The following ZNF688 variants were observed in gnomAD, a reference collection of about 807,000 sequenced individuals.
The protein encoded by ZNF688 is zinc finger protein 688.
Under a neutral mutation model 13.2 loss-of-function variants are expected in ZNF688, and 10 were observed. The observed-to-expected ratio is 0.76, with a 90% CI of 0.47 to 1.28. The LOEUF is 1.28. Ranked by LOEUF, ZNF688 falls within the 50% of genes most tolerant of loss-of-function variation. The probability of loss-of-function intolerance (pLI) is 0.00; values close to 1 mark genes in which losing one functional copy is unlikely to be tolerated. For missense variants in ZNF688, 381 were observed against 391.4 expected (o/e 0.97, Z 0.22); for synonymous variants, 160 against 159.4 (o/e 1.00, Z -0.03).
At chr16:30,579,372 C>A in the ZNF688 span, 1,243 of 164,156 alleles carry the variant, frequency 7.6e-3, 15 homozygotes, top group African/African-American at 0.028. Context: ...AAAGATAACA[C>A]CCCGTTCCCA....
rs1294482839 is a variant in ZNF688, at chr16:30,570,248, G to C, written c.499C>G (p.Pro167Ala). Residue 167 changes from proline (P) to alanine (A), a missense_variant, in exon 3 of 3, where the codon CCC becomes GCC. Physicochemically the swap from Pro to Ala is conservative, Grantham distance 27 (BLOSUM62 -1). Transcript: ENST00000223459. ...AAWDPTTGAQPPAPIPSMDAQ... is the reference protein window; with the variant it reads ...AAWDPTTGAQAPAPIPSMDAQ... Reference sequence around the variant, plus strand: ...TCCATGCTGGGTATGGGTGCCGGGGGCTGTGCTCCTGTGGTCGGGTCCCAG... The same window carrying C: ...TCCATGCTGGGTATGGGTGCCGGGGCCTGTGCTCCTGTGGTCGGGTCCCAG... The C allele has an allele frequency of 6.2e-7, 1 of 1,613,686 alleles. No homozygotes were observed. Among genetic ancestry groups the C allele is most frequent in the South Asian group, 1.1e-5 (1 of 91,056 alleles).
intron 2 of ZNF688, 128 bp downstream of exon 2, chr16:30,570,882 C>A: frequency 9.5e-7 from 1 of 1,056,326 alleles, no homozygotes. Context: ...GGTCTGCCTT[C>A]TTTACTCCTC....
chr16:30,571,464 G>C lies in ZNF688; in HGVS notation c.166C>G (p.Gln56Glu), dbSNP rs1177238805. Residue 56 changes from glutamine to glutamate, a missense_variant, in exon 1 of 3, where the codon CAG becomes GAG. Coordinates refer to ENST00000223459, the MANE Select transcript of ZNF688 (RefSeq NM_145271.4). ...AQRALYRDVM[Q>E]ETYGHLGALG... The stretch of plus-strand genomic sequence containing the variant: ...GCGCCCAGGTGGCCGTAGGTCTCCT[G>C]CATCACGTCCCGGTACAGAGCCCTC... 1 of 1,585,486 alleles carries C rather than the reference G, an allele frequency of 6.3e-7. No homozygotes were observed. Among genetic ancestry groups the C allele is most frequent in the Non-Finnish European group, 8.6e-7 (1 of 1,167,060 alleles).
rs746398881 is a variant in ZNF688, at chr16:30,571,546, G to A, written c.84C>T (p.Phe28=). Residue 28 remains phenylalanine, a synonymous_variant, in exon 1 of 3, where the codon TTC becomes TTT. Coordinates refer to ENST00000223459, the MANE Select transcript of ZNF688 (RefSeq NM_145271.4). ...GGGAGAAGTACACGGCCACGTCCGC[G>A]AAGCTCACAGTCCCGGGCTTCCTGC... is the stretch of plus-strand genomic sequence containing the variant. ...PGCRKPGTVS[F]ADVAVYFSPE... is the part of the protein sequence containing the mutation. 10 of 1,582,854 alleles carry A rather than the reference G, an allele frequency of 6.3e-6. No homozygotes were observed. The highest frequency in any genetic ancestry group is 3.4e-6 in the Non-Finnish European group (4 of 1,165,464).
In ZNF688 at chr16:30,571,450, G is replaced by A; in HGVS notation, c.180C>T (p.Gly60=). 2 of 1,576,574 alleles carry A rather than the reference G, an allele frequency of 1.3e-6. No individual in the cohort carries two copies. The highest frequency in any genetic ancestry group is 2.3e-5 in the South Asian group (2 of 86,072). The part of the protein sequence containing the change: ...LYRDVMQETY[G]HLGALGFPGP... ...GGCTCTCACCGAGCGCGCCCAGGTG[G>A]CCGTAGGTCTCCTGCATCACGTCCC... The change falls in exon 1 of 3, where the codon GGC becomes GGT. Residue 60 remains glycine, a synonymous_variant. Coordinates refer to ENST00000223459, the MANE Select transcript of ZNF688 (RefSeq NM_145271.4).
At chr16:30,572,057 T>C (rs2051695165), upstream of ZNF688, 5 of 1,435,996 alleles carry the variant, frequency 3.5e-6, no homozygotes, top group East Asian at 1.3e-4. Context: ...AGGCGGGGTG[T>C]CTGGGAAGTA....
chr16:30,571,661 G>A lies in ZNF688; in HGVS notation c.-32C>T, dbSNP rs554329406. 3 of 1,368,046 alleles carry A rather than the reference G, an allele frequency of 2.2e-6. No individual in the cohort carries two copies. The highest frequency in any genetic ancestry group is 1.5e-5 in the African/African-American group (1 of 65,004). 84.7% of individuals were successfully genotyped at this position (1,368,046 alleles called of 1,614,324 possible). On this transcript the variant is annotated 5_prime_UTR_variant, in exon 1 of 3. Transcript: ENST00000223459. ...TCGCAGCCCCGATCGGCGGCCGCCA[G>A]GTCCCTGGAGCCGCCGCCTCCCCGC...
At chr16:30,576,883 C>T (rs2051752526), upstream of ZNF688, among the ~76,000 whole-genome samples, 1 of 152,064 alleles carries the variant, frequency 6.6e-6, no homozygotes, top group East Asian at 1.9e-4. Context: ...GATCCTCCCA[C>T]CTCAGCCTTC....
At chr16:30,576,305 G>A (rs966189572), upstream of ZNF688, among the ~76,000 whole-genome samples, 3 of 152,132 alleles carry the variant, frequency 2.0e-5, no homozygotes, top group African/African-American at 7.2e-5. Flanking sequence ...TCCGCTTCCC[G>A]GGCTAACGCC....
At position 30,571,674 on chromosome 16, in the gene ZNF688, G is replaced by A; in HGVS notation, c.-45C>T. The stretch of plus-strand genomic sequence containing the variant: ...CGGCGGCCGCCAGGTCCCTGGAGCC[G>A]CCGCCTCCCCGCTCCCGGCCTCAGC... On this transcript the variant is annotated 5_prime_UTR_variant, in exon 1 of 3. Transcript: ENST00000223459. 7.4e-7 allele frequency: 1 copy of A among 1,360,494 alleles called. No homozygotes were observed. The highest frequency in any genetic ancestry group is 9.4e-7 in the Non-Finnish European group (1 of 1,060,496). 84.3% of individuals were successfully genotyped at this position (1,360,494 alleles called of 1,614,324 possible). A position where few individuals can be genotyped will look rare whatever the true frequency, so the allele number is the denominator to read the frequency against.
chr16:30,571,901 T>C (rs1236509926), upstream of ZNF688: 7 of 1,278,514 alleles, frequency 5.5e-6, no homozygotes, highest in African/African-American at 1.5e-5. Context: ...TCTGAAAATA[T>C]GGCGACCACC....
At chr16:30,579,871 C>G in the ZNF688 span, 1 of 455,268 alleles carries the variant, frequency 2.2e-6, no homozygotes, top group Non-Finnish European at 4.4e-6. Context: ...AAAGAACTCT[C>G]TTAACTGTTG....
upstream of ZNF688, among the ~76,000 whole-genome samples, chr16:30,576,413 T>A (rs1450767886): frequency 6.6e-6 from 1 of 152,186 alleles, no homozygotes; most frequent in Non-Finnish European, 1.5e-5. Flanking sequence ...GGTTTCATTG[T>A]GTTAGCCAGG....
chr16:30,576,899 G>A (rs1011775099), upstream of ZNF688, among the ~76,000 whole-genome samples: 9 of 151,374 alleles, frequency 5.9e-5, no homozygotes, highest in Non-Finnish European at 1.3e-4. Flanking sequence ...CCTTCAAGTC[G>A]TTGGAACTAG....
At position 30,571,456 on chromosome 16, in the gene ZNF688, G is replaced by T; in HGVS notation, c.174C>A (p.Thr58=). The change falls in exon 1 of 3, where the codon ACC becomes ACA. Residue 58 remains threonine (T), a synonymous_variant. Transcript: ENST00000223459. Reference sequence around the variant, plus strand: ...CACCGAGCGCGCCCAGGTGGCCGTAGGTCTCCTGCATCACGTCCCGGTACA... The same window carrying T: ...CACCGAGCGCGCCCAGGTGGCCGTATGTCTCCTGCATCACGTCCCGGTACA... The part of the protein sequence containing the change: ...RALYRDVMQE[T]YGHLGALGFP... 1.3e-6 allele frequency: 2 copies of T among 1,581,070 alleles called. No homozygotes were observed. The highest frequency in any genetic ancestry group is 1.7e-6 in the Non-Finnish European group (2 of 1,164,768).
In ZNF688 at chr16:30,570,219, A is replaced by G. The variant is rs932417922; in HGVS notation, c.528T>C (p.Ala176=). Residue 176 remains alanine, a synonymous_variant, in exon 3 of 3, where the codon GCT becomes GCC. Transcript: ENST00000223459. The stretch of plus-strand genomic sequence containing the variant: ...ACACGTGGCGCCGCTGGCCGGCCTG[A>G]GCATCCATGCTGGGTATGGGTGCCG... The part of the protein sequence containing the change: ...QPPAPIPSMD[A]QAGQRRHVCT... 6.2e-7 allele frequency: 1 copy of G among 1,613,078 alleles called. No individual in the cohort carries two copies. Among genetic ancestry groups the G allele is most frequent in the Non-Finnish European group, 8.5e-7 (1 of 1,179,720 alleles).
upstream of ZNF688, chr16:30,572,228 T>A (rs200869612): frequency 1.9e-3 from 3,023 of 1,598,550 alleles, 3 homozygotes; most frequent in Non-Finnish European, 2.2e-3. Context: ...GACCCCGCGG[T>A]CCTGAAGCCT....
intron 2 of ZNF688, 146 bp downstream of exon 2, chr16:30,570,862 CTT>C (rs893903991): frequency 4.7e-5 from 43 of 915,258 alleles, no homozygotes; most frequent in Non-Finnish European, 1.7e-6. Context: ...GTTCTGAAAA[CTT>C]TGTACCAGGT....
At chr16:30,577,616 C>T (rs2051759145), upstream of ZNF688, among the ~76,000 whole-genome samples, 1 of 151,440 alleles carries the variant, frequency 6.6e-6, no homozygotes, top group Admixed American at 6.6e-5. Flanking sequence ...CCTCGTGATC[C>T]GCCTGCCTTG....
Sources: allele counts gnomAD v4.1 joint callset (sites outside exome capture counted in the v4.1 genomes callset), GRCh38; gene constraint gnomAD v4.1.1; transcripts MANE v1.5; gene names NCBI Gene and HGNC (gene_info 2026-07-23, HGNC 2026-07-21).